Variants in DRC11 observed in about 807,000 individuals in gnomAD.
DRC11 encodes the protein IQ and AAA domain-containing protein 1.
chr2:236,504,680 C>T, the DRC11 span, among the ~76,000 whole-genome samples: 1 of 152,138 alleles, frequency 6.6e-6, no homozygotes, highest in African/African-American at 2.4e-5. This position sits in a 1 kb window ranked among gnomAD's most constrained non-coding sequence, Gnocchi z 5.0. Context: ...ATTTTAGTTC[C>T]ATAATCCCCA....
chr2:236,431,874 G>T, the DRC11 span, among the ~76,000 whole-genome samples: 4,600 of 152,276 alleles, frequency 0.03, 235 homozygotes, highest in East Asian at 0.18. This position sits in a 1 kb window ranked among gnomAD's most constrained non-coding sequence, Gnocchi z 4.2. Context: ...GCAATTATGA[G>T]TAATGCTGCT....
the DRC11 span, among the ~76,000 whole-genome samples, chr2:236,357,090 T>TATTCATATATTATATATC: frequency 4.6e-5 from 2 of 43,202 alleles, no homozygotes; most frequent in Non-Finnish European, 9.0e-5. Flanking sequence ...TCTATATATT[T>TATTCATATATTATATATC]TATATATTCG....
the DRC11 span, chr2:236,368,172 TC>T: frequency 6.9e-7 from 1 of 1,442,282 alleles, no homozygotes; most frequent in African/African-American, 1.4e-5. Context: ...AAAAGGCACA[TC>T]CGCGCACGCC....
the DRC11 span, among the ~76,000 whole-genome samples, chr2:236,412,315 C>G: frequency 2.0e-5 from 3 of 152,198 alleles, no homozygotes; most frequent in Non-Finnish European, 4.4e-5. Context: ...TTTCTTCCTG[C>G]CTTCCATGCT....
chr2:236,421,679 A>C, the DRC11 span, among the ~76,000 whole-genome samples: 1 of 152,264 alleles, frequency 6.6e-6, no homozygotes, highest in Non-Finnish European at 1.5e-5. Flanking sequence ...TAATCAATAG[A>C]AAAAGAGGGA....
At chr2:236,416,416 T>C in the DRC11 span, among the ~76,000 whole-genome samples, 1 of 151,856 alleles carries the variant, frequency 6.6e-6, no homozygotes, top group Non-Finnish European at 1.5e-5. Flanking sequence ...GCCAGGTGCT[T>C]GAGTGCCTTG....
At chr2:236,475,863 C>T in the DRC11 span, among the ~76,000 whole-genome samples, 19 of 152,142 alleles carry the variant, frequency 1.2e-4, no homozygotes, top group South Asian at 3.3e-3. The surrounding 1 kb of genome is among the most constrained non-coding windows in gnomAD (Gnocchi z 4.8). Context: ...GAGTCTTTGT[C>T]GAAAATAAAT....
the DRC11 span, among the ~76,000 whole-genome samples, chr2:236,457,001 G>C: frequency 6.6e-6 from 1 of 152,298 alleles, no homozygotes; most frequent in South Asian, 2.1e-4. The surrounding 1 kb of genome is among the most constrained non-coding windows in gnomAD (Gnocchi z 4.7). Flanking sequence ...CTGTGGGCCA[G>C]GCAGCCCACC....
At chr2:236,389,516 T>C in the DRC11 span, among the ~76,000 whole-genome samples, 35 of 152,316 alleles carry the variant, frequency 2.3e-4, no homozygotes, top group African/African-American at 7.5e-4. Flanking sequence ...TCGCCCTGCT[T>C]CGGCTCGCGA....
At chr2:236,322,799 A>G in the DRC11 span, among the ~76,000 whole-genome samples, 2 of 152,236 alleles carry the variant, frequency 1.3e-5, no homozygotes, top group Non-Finnish European at 2.9e-5. Flanking sequence ...GGCTATTTAA[A>G]TGGAAATGAA....
At chr2:236,425,298 C>G in the DRC11 span, among the ~76,000 whole-genome samples, 2 of 152,006 alleles carry the variant, frequency 1.3e-5, no homozygotes, top group African/African-American at 4.8e-5. Flanking sequence ...GGGTCCCCTT[C>G]TCTCACATCC....
the DRC11 span, among the ~76,000 whole-genome samples, chr2:236,384,507 G>T: frequency 6.6e-6 from 1 of 152,174 alleles, no homozygotes; most frequent in Admixed American, 6.5e-5. Context: ...CTTTTTGATG[G>T]GGTCTTTTTT....
chr2:236,344,497 TGGTAAG>T, the DRC11 span: 30 of 1,206,080 alleles, frequency 2.5e-5, no homozygotes, highest in Non-Finnish European at 8.5e-6. Context: ...AGGTAGGCCT[TGGTAAG>T]GGCCTCCTTT....
chr2:236,408,962 C>T, the DRC11 span: 1 of 709,166 alleles, frequency 1.4e-6, no homozygotes, highest in Admixed American at 1.9e-5. The surrounding 1 kb of genome is among the most constrained non-coding windows in gnomAD (Gnocchi z 5.5). Context: ...AGTGGACCGG[C>T]TTGGAAGGGT....
chr2:236,339,493 G>A, the DRC11 span, among the ~76,000 whole-genome samples: 2 of 152,122 alleles, frequency 1.3e-5, no homozygotes, highest in African/African-American at 2.4e-5. Flanking sequence ...CTAATCTAAG[G>A]TCACAAAATT....
At chr2:236,382,288 C>T in the DRC11 span, among the ~76,000 whole-genome samples, 9 of 152,188 alleles carry the variant, frequency 5.9e-5, no homozygotes, top group Non-Finnish European at 1.3e-4. Flanking sequence ...GATCTCTGTC[C>T]TGTTCCACTG....
chr2:236,374,911 G>C, the DRC11 span, among the ~76,000 whole-genome samples: 1 of 149,982 alleles, frequency 6.7e-6, no homozygotes, highest in East Asian at 2.0e-4. Context: ...ATGTTGGCCA[G>C]GCTGGTCTCA....
chr2:236,447,805 G>A, the DRC11 span, among the ~76,000 whole-genome samples: 1 of 151,480 alleles, frequency 6.6e-6, no homozygotes, highest in South Asian at 2.1e-4. This position sits in a 1 kb window ranked among gnomAD's most constrained non-coding sequence, Gnocchi z 4.6. Flanking sequence ...GTTCCATTTG[G>A]TGGTTTGGAT....
At chr2:236,416,748 TA>T in the DRC11 span, among the ~76,000 whole-genome samples, 1 of 56,262 alleles carries the variant, frequency 1.8e-5, no homozygotes, top group African/African-American at 6.4e-5. Flanking sequence ...TATATATATA[TA>T]TATATATATA....
Sources: gnomAD v4.1 joint callset for allele counts (sites outside exome capture counted in the v4.1 genomes callset) on GRCh38, gnomAD v4.1.1 for gene constraint, Gnocchi (gnomAD v3.1) non-coding constraint, MANE v1.5 for transcripts, NCBI Gene and HGNC (gene_info 2026-07-23, HGNC 2026-07-21) for gene names.